CSMD1: variants seen among roughly 807,000 people sequenced by gnomAD.
The protein encoded by CSMD1 is CUB and Sushi multiple domains 1.
CSMD1 carries 213 observed loss-of-function variants against 417.5 expected under a neutral mutation model. The ratio of observed to expected loss-of-function variants is 0.51; its 90% CI spans 0.46 to 0.57. The LOEUF (loss-of-function observed/expected upper bound fraction) is 0.57, where lower values mean the gene tolerates loss of function less well. Ranked by LOEUF, CSMD1 falls within the 20% of genes least tolerant of loss-of-function variation. The probability of loss-of-function intolerance (pLI) is 0.00; values close to 1 mark genes in which losing one functional copy is unlikely to be tolerated. For missense variants in CSMD1, 6,923 were observed against 4,529.7 expected, an observed-to-expected ratio of 1.53 and a Z score of -15.17; for synonymous variants, 2,862 against 1,736.8, an observed-to-expected ratio of 1.65 and a Z score of -16.11.
intron 3 of CSMD1, among the ~76,000 whole-genome samples, chr8:4,189,232 A>G (rs1798870342): frequency 6.6e-6 from 1 of 152,206 alleles, no homozygotes; most frequent in Non-Finnish European, 1.5e-5. Flanking sequence ...AGGACCCATA[A>G]CAGATCTAAG....
At chr8:3,027,606 G>C (rs1466012322) in intron 51 of CSMD1, among the ~76,000 whole-genome samples, 1 of 152,178 alleles carries the variant, frequency 6.6e-6, no homozygotes, top group African/African-American at 2.4e-5. Context: ...AAGTGTGATA[G>C]AACAGCTCGT....
chr8:4,178,701 T>C (rs988427063), intron 3 of CSMD1, among the ~76,000 whole-genome samples: 1 of 152,102 alleles, frequency 6.6e-6, no homozygotes, highest in Non-Finnish European at 1.5e-5. Context: ...CAGCCCAAAA[T>C]CTCCTTAAGC....
intron 5 of CSMD1, among the ~76,000 whole-genome samples, chr8:3,950,592 G>A (rs989435707): frequency 2.0e-5 from 3 of 152,168 alleles, no homozygotes; most frequent in African/African-American, 7.2e-5. Flanking sequence ...CGTGAAATAT[G>A]AAACCACCAT....
At chr8:4,390,981 C>A (rs924889434) in intron 3 of CSMD1, among the ~76,000 whole-genome samples, 1 of 152,166 alleles carries the variant, frequency 6.6e-6, no homozygotes, top group African/African-American at 2.4e-5. Flanking sequence ...CTGTAACTTT[C>A]TACCATATGT....
chr8:4,026,708 G>C (rs544871526), intron 4 of CSMD1, among the ~76,000 whole-genome samples: 9 of 152,326 alleles, frequency 5.9e-5, no homozygotes, highest in East Asian at 1.9e-4. Flanking sequence ...CTATCTGAGA[G>C]ATCAAGGGAC....
intron 3 of CSMD1, among the ~76,000 whole-genome samples, chr8:4,244,647 C>A (rs1016326330): frequency 6.6e-6 from 1 of 151,922 alleles, no homozygotes; most frequent in African/African-American, 2.4e-5. Context: ...CAAAACTGAT[C>A]CAAGTTATTA....
intron 3 of CSMD1, among the ~76,000 whole-genome samples, chr8:4,107,978 G>T (rs557665442): frequency 2.0e-5 from 3 of 152,112 alleles, no homozygotes; most frequent in Admixed American, 1.3e-4. Flanking sequence ...ATTGACCGGG[G>T]AGCTTAGAGA....
intron 3 of CSMD1, among the ~76,000 whole-genome samples, chr8:4,051,887 C>CCTCCATT (rs57805638): frequency 7.5e-6 from 1 of 133,840 alleles, no homozygotes; most frequent in Non-Finnish European, 1.6e-5. Flanking sequence ...TTTCTTCCTT[C>CCTCCATT]CTTCCTTCCT....
intron 9 of CSMD1, among the ~76,000 whole-genome samples, chr8:3,581,218 T>C (rs568653518): frequency 6.6e-6 from 1 of 152,320 alleles, no homozygotes; most frequent in African/African-American, 2.4e-5. Context: ...TCTCTCCACT[T>C]TGTTTGCTTA....
chr8:4,082,399 T>A (rs1280882864), intron 3 of CSMD1, among the ~76,000 whole-genome samples: 1 of 152,098 alleles, frequency 6.6e-6, no homozygotes, highest in African/African-American at 2.4e-5. Flanking sequence ...TAAAAACAAC[T>A]ACAACAAAAC....
At chr8:3,070,675 T>C (rs1476801823) in intron 49 of CSMD1, among the ~76,000 whole-genome samples, 1 of 152,216 alleles carries the variant, frequency 6.6e-6, no homozygotes, top group Non-Finnish European at 1.5e-5. Context: ...TTAGCATTTT[T>C]GTCACAACTA....
chr8:4,332,260 C>T (rs1338210893), intron 3 of CSMD1, among the ~76,000 whole-genome samples: 2 of 152,100 alleles, frequency 1.3e-5, no homozygotes, highest in African/African-American at 4.8e-5. Flanking sequence ...CATCTTAATG[C>T]CAAGGAGCCA....
intron 1 of CSMD1, among the ~76,000 whole-genome samples, chr8:4,984,353 G>T (rs764939700): frequency 5.9e-5 from 9 of 152,176 alleles, no homozygotes; most frequent in Non-Finnish European, 1.3e-4. Context: ...ATATAAATCT[G>T]CATATTTCAG....
chr8:3,516,715 T>C (rs766242672), intron 10 of CSMD1, among the ~76,000 whole-genome samples: 9 of 152,170 alleles, frequency 5.9e-5, no homozygotes, highest in Non-Finnish European at 1.3e-4. Context: ...TGGTGGAGAT[T>C]TGTGATATTT....
At chr8:4,440,020 G>C (rs1001610414) in intron 2 of CSMD1, among the ~76,000 whole-genome samples, 1 of 152,148 alleles carries the variant, frequency 6.6e-6, no homozygotes, top group African/African-American at 2.4e-5. Flanking sequence ...ATTTTCCTAA[G>C]AGTTAAGAAG....
At chr8:4,196,084 G>T (rs923678636) in intron 3 of CSMD1, among the ~76,000 whole-genome samples, 1 of 152,066 alleles carries the variant, frequency 6.6e-6, no homozygotes, top group Non-Finnish European at 1.5e-5. Flanking sequence ...GGTGACGGGC[G>T]CCTGTAGTCC....
intron 10 of CSMD1, among the ~76,000 whole-genome samples, chr8:3,541,828 C>T (rs1428334708): frequency 6.6e-6 from 1 of 151,602 alleles, no homozygotes; most frequent in Non-Finnish European, 1.5e-5. Context: ...TGGCTTGCAC[C>T]TGCAATTCCA....
chr8:4,773,058 C>T (rs767624068), intron 1 of CSMD1, among the ~76,000 whole-genome samples: 14 of 152,214 alleles, frequency 9.2e-5, no homozygotes, highest in Non-Finnish European at 1.6e-4. Flanking sequence ...GAAATGTTTG[C>T]CACCAGAAGT....
At chr8:4,053,225 G>C (rs977363278) in intron 3 of CSMD1, among the ~76,000 whole-genome samples, 1 of 152,190 alleles carries the variant, frequency 6.6e-6, no homozygotes, top group Admixed American at 6.6e-5. Flanking sequence ...ACTAACAACA[G>C]CACCGTGTGT....
Sources: allele counts gnomAD v4.1 joint callset (sites outside exome capture counted in the v4.1 genomes callset), GRCh38; gene constraint gnomAD v4.1.1; transcripts MANE v1.5; gene names NCBI Gene and HGNC (gene_info 2026-07-23, HGNC 2026-07-21).